Variants in RIOK3 observed in about 807,000 individuals in gnomAD.
RIOK3 encodes the protein RIO kinase 3.
Under a neutral mutation model 63.5 loss-of-function variants are expected in RIOK3, and 40 were observed. The observed-to-expected ratio is 0.63, with a 90% CI of 0.49 to 0.82. RIOK3 has a LOEUF of 0.82. Ranked by LOEUF, RIOK3 falls within the 40% of genes least tolerant of loss-of-function variation. The pLI is 0.00. For synonymous variants in RIOK3, 193 were observed against 205.0 expected (o/e 0.94, Z 0.50); for missense variants, 557 against 637.0 (o/e 0.87, Z 1.35).
chr18:23,453,338 C>A lies in RIOK3; in HGVS notation c.-102C>A. On this transcript the variant is annotated 5_prime_UTR_variant, in exon 1 of 13. Transcript: ENST00000339486. The stretch of plus-strand genomic sequence containing the variant: ...CCGCCATCTGTCACCTCCACTCCGG[C>A]ATCAGCAGCCAGTCGCCCGTGTCCC... 3.1e-6 allele frequency: 3 copies of A among 955,462 alleles called. No individual in the cohort carries two copies. Among genetic ancestry groups the A allele is most frequent in the South Asian group, 1.3e-5 (1 of 76,140 alleles). The allele number at this position is 955,462 out of a possible 1,614,324, so 59.2% of individuals were successfully genotyped here. A position where few individuals can be genotyped will look rare whatever the true frequency, so the allele number is the denominator to read the frequency against.
At chr18:23,462,341 A>G (rs1180268580) in intron 1 of RIOK3, among the ~76,000 whole-genome samples, 1 of 151,970 alleles carries the variant, frequency 6.6e-6, no homozygotes, top group African/African-American at 2.4e-5. Context: ...GGGTTTCACC[A>G]TGTTGGCCAG....
In RIOK3 at chr18:23,480,555, G is replaced by GCGCA. The variant is rs779698307; in HGVS notation, c.1453-616_1453-615insGCAC. Among the ~76,000 whole-genome samples, 183 of 142,092 alleles carry GCGCA rather than the reference G, an allele frequency of 1.3e-3. 1 individual carries two copies. The highest frequency in any genetic ancestry group is 3.1e-3 in the African/African-American group (115 of 37,528). 93.2% of individuals were successfully genotyped at this position (142,092 alleles called of 152,430 possible). The stretch of plus-strand genomic sequence containing the variant: ...ACTATTTGTGTATACTTGGATGCAC[G>GCGCA]CACACACACACACACACACACACAC... On this transcript the variant is annotated intron_variant, in intron 12 of 12. Transcript: ENST00000339486.
intron 1 of RIOK3, among the ~76,000 whole-genome samples, chr18:23,462,051 A>C (rs1387847377): frequency 2.7e-5 from 4 of 146,976 alleles, no homozygotes; most frequent in Non-Finnish European, 6.0e-5. Context: ...AGATCACGCC[A>C]CTGTACTCCA....
chr18:23,467,693 A>G (rs955210601), intron 7 of RIOK3, 167 bp downstream of exon 7: 2 of 447,760 alleles, frequency 4.5e-6, no homozygotes, highest in Non-Finnish European at 3.8e-6. Context: ...AAACACAGTC[A>G]TCCTAATACC....
intron 7 of RIOK3, among the ~76,000 whole-genome samples, chr18:23,468,293 CTTTTTTTTTTTTT>C (rs1245472469): frequency 2.2e-5 from 1 of 46,450 alleles, no homozygotes; most frequent in Non-Finnish European, 3.7e-5. Flanking sequence ...CAATATACTC[CTTTTTTTTTTTTT>C]TTTTTTTTTT....
chr18:23,467,175 G>A (rs1043664414), intron 6 of RIOK3, among the ~76,000 whole-genome samples: 5 of 152,038 alleles, frequency 3.3e-5, no homozygotes, highest in Non-Finnish European at 7.4e-5. Context: ...TTAGCCAGGT[G>A]TGGTGGCGGG....
At position 23,460,192 on chromosome 18, in the gene RIOK3, C is replaced by T. The variant is rs1002785248; in HGVS notation, c.64-2772C>T. Among the ~76,000 whole-genome samples, 11 of 152,288 alleles carry T rather than the reference C, an allele frequency of 7.2e-5. No individual in the cohort carries two copies. The East Asian group carries it at 2.1e-3, about 29-fold the overall frequency. On this transcript the variant is annotated intron_variant, in intron 1 of 12. Coordinates refer to ENST00000339486, the MANE Select transcript of RIOK3 (RefSeq NM_003831.5). ...GCACAATCATAGGGCTCAAATGATC[C>T]ACCTCCTACTTCAGCCTCCTGAGTA...
intron 1 of RIOK3, among the ~76,000 whole-genome samples, chr18:23,460,779 G>A (rs568969885): frequency 2.6e-5 from 4 of 152,270 alleles, no homozygotes; most frequent in African/African-American, 9.6e-5. Context: ...GAGTCATGAG[G>A]CCAAAAAATT....
chr18:23,468,025 G>A (rs1218977741), intron 7 of RIOK3, among the ~76,000 whole-genome samples: 1 of 151,924 alleles, frequency 6.6e-6, no homozygotes, highest in East Asian at 1.9e-4. Context: ...TGATCCACTC[G>A]CCTTGGCCTC....
At position 23,482,123 on chromosome 18, in the gene RIOK3, A is replaced by C. The variant is rs528290158; in HGVS notation, c.*844A>C. 1.3e-5 allele frequency: 2 copies of C among 152,362 alleles called. No homozygotes were observed. Among genetic ancestry groups the C allele is most frequent in the African/African-American group, 4.8e-5 (2 of 41,594 alleles). The allele number at this position is 152,362 out of a possible 1,614,324, so 9.4% of individuals were successfully genotyped here. A position where few individuals can be genotyped will look rare whatever the true frequency, so the allele number is the denominator to read the frequency against. On this transcript the variant is annotated 3_prime_UTR_variant, in exon 13 of 13. Transcript: ENST00000339486. ...TAATTTAGTTAATGAAGCAAAATTC[A>C]GTTTATATTTCACTAGAACTGTGTA...
intron 8 of RIOK3, 23 bp from the exon 9 acceptor site, chr18:23,474,925 C>G: frequency 5.1e-6 from 8 of 1,573,622 alleles, no homozygotes; most frequent in Non-Finnish European, 7.0e-6. Context: ...TCTGTATATT[C>G]TGAATCATTT....
At chr18:23,458,061 TTG>T (rs1286609652) in intron 1 of RIOK3, among the ~76,000 whole-genome samples, 5 of 137,948 alleles carry the variant, frequency 3.6e-5, no homozygotes, top group African/African-American at 1.2e-4. Context: ...GCCTGGCTAG[TTG>T]TTTTTTTTTT....
chr18:23,476,342 C>T (rs1039424181), intron 9 of RIOK3, among the ~76,000 whole-genome samples: 1 of 152,146 alleles, frequency 6.6e-6, no homozygotes, highest in African/African-American at 2.4e-5. Flanking sequence ...TAATGTGCTA[C>T]TTTATGCAAT....
chr18:23,478,646 T>TATATAA (rs2057510581), intron 11 of RIOK3, among the ~76,000 whole-genome samples: 1 of 44,738 alleles, frequency 2.2e-5, no homozygotes, highest in Non-Finnish European at 4.4e-5. Context: ...TATATATATA[T>TATATAA]ATATATATAT....
rs2057479985 is a variant in RIOK3, at chr18:23,475,023, C to T, written c.1089C>T (p.Gly363=). The change falls in exon 9 of 13, where the codon GGC becomes GGT. Residue 363 remains glycine (G), a synonymous_variant. Transcript: ENST00000339486. ...ACATTTTAGTTATGTCTTTTATTGG[C>T]CATGATCAAGTTCCAGCCCCTAAAT... ...KKHILVMSFI[G]HDQVPAPKLK... 8.1e-6 allele frequency: 13 copies of T among 1,611,476 alleles called. No individual in the cohort carries two copies. The Admixed American group carries it at 1.7e-4, about 21-fold the overall frequency.
intron 1 of RIOK3, among the ~76,000 whole-genome samples, chr18:23,458,159 C>T (rs562253533): frequency 1.5e-4 from 23 of 151,798 alleles, no homozygotes; most frequent in African/African-American, 5.3e-4. Flanking sequence ...CCTGCCTCAG[C>T]CTCCCAAAGT....
At chr18:23,459,243 C>T (rs941266805) in intron 1 of RIOK3, among the ~76,000 whole-genome samples, 4 of 152,112 alleles carry the variant, frequency 2.6e-5, no homozygotes, top group South Asian at 2.1e-4. Context: ...ACCTCAGAAG[C>T]GGGCAGGCAA....
intron 1 of RIOK3, among the ~76,000 whole-genome samples, chr18:23,456,143 GCTGGT>G (rs1340651199): frequency 7.6e-6 from 1 of 131,776 alleles, no homozygotes; most frequent in African/African-American, 2.9e-5. Context: ...TGTTGCCTAG[GCTGGT>G]CTTGAACTCC....
chr18:23,466,358 C>T, intron 6 of RIOK3, 82 bp downstream of exon 6: 1 of 1,122,674 alleles, frequency 8.9e-7, no homozygotes, highest in Non-Finnish European at 1.2e-6. Flanking sequence ...AAAAAAACTT[C>T]ATGTTTGATA....
Sources: gnomAD v4.1 joint callset for allele counts (sites outside exome capture counted in the v4.1 genomes callset) on GRCh38, gnomAD v4.1.1 for gene constraint, MANE v1.5 for transcripts, NCBI Gene and HGNC (gene_info 2026-07-23, HGNC 2026-07-21) for gene names.